CAMTA1: variants seen among roughly 807,000 people sequenced by gnomAD.
The protein encoded by CAMTA1 is calmodulin binding transcription activator 1.
In CAMTA1, 27 loss-of-function variants were observed where a neutral mutation model predicts 170.9. That is an observed-to-expected ratio of 0.16 (90% CI 0.12 to 0.22). CAMTA1 has a LOEUF of 0.22. CAMTA1 is among the 10% of genes least tolerant of loss of function. The pLI, the probability that CAMTA1 is intolerant of heterozygous loss-of-function variation, is 1.00. For missense variants in CAMTA1, 1,619 were observed against 2,217.2 expected, an observed-to-expected ratio of 0.73 and a Z score of 5.42; for synonymous variants, 833 against 891.5, an observed-to-expected ratio of 0.93 and a Z score of 1.17.
intron 4 of CAMTA1, among the ~76,000 whole-genome samples, chr1:7,115,681 A>G (rs534951654): frequency 2.2e-5 from 3 of 135,652 alleles, no homozygotes; most frequent in South Asian, 2.6e-4. Context: ...TCCAGTCTGA[A>G]TCTGAAAGCC....
At chr1:7,622,156 G>A (rs1208958931) in intron 6 of CAMTA1, among the ~76,000 whole-genome samples, 3 of 152,218 alleles carry the variant, frequency 2.0e-5, no homozygotes, top group Admixed American at 6.5e-5. Flanking sequence ...GTGACTGAGC[G>A]GCTACTCATG....
rs145266713 is a variant in CAMTA1 at position 6,833,771 on chromosome 1, A to G, written c.234+8561A>G. 2.9e-3 allele frequency among the ~76,000 whole-genome samples: 449 copies of G among 152,362 alleles called. 3 individuals are homozygous for G. Among genetic ancestry groups the G allele is most frequent in the African/African-American group, 9.3e-3 (386 of 41,590 alleles). Reference sequence around the variant, plus strand: ...TAACCACAAATCACAAACTTGAGCAATGAGTTTGTGTGTTAGAACATACTC... The same window carrying G: ...TAACCACAAATCACAAACTTGAGCAGTGAGTTTGTGTGTTAGAACATACTC... On this transcript the variant is annotated intron_variant, in intron 3 of 22. Coordinates refer to ENST00000303635, the MANE Select transcript of CAMTA1 (RefSeq NM_015215.4).
At chr1:7,514,677 G>A (rs1330117711) in intron 6 of CAMTA1, among the ~76,000 whole-genome samples, 1 of 152,210 alleles carries the variant, frequency 6.6e-6, no homozygotes, top group Non-Finnish European at 1.5e-5. Flanking sequence ...ACCTGTGGCA[G>A]GGTGCTTCTG....
intron 6 of CAMTA1, among the ~76,000 whole-genome samples, chr1:7,490,977 C>T (rs559416138): frequency 2.0e-5 from 3 of 152,342 alleles, no homozygotes; most frequent in Non-Finnish European, 2.9e-5. Flanking sequence ...CACTCCAGCT[C>T]CGATCCATTG....
chr1:6,827,906 G>C (rs1404876016), intron 3 of CAMTA1, among the ~76,000 whole-genome samples: 1 of 152,160 alleles, frequency 6.6e-6, no homozygotes, highest in Non-Finnish European at 1.5e-5. Flanking sequence ...TTTAGAAGCT[G>C]TGTTGTACAA....
intron 4 of CAMTA1, among the ~76,000 whole-genome samples, chr1:7,217,984 T>C (rs1660055582): frequency 6.6e-6 from 1 of 152,242 alleles, no homozygotes; most frequent in Non-Finnish European, 1.5e-5. Flanking sequence ...GTTAATTTTC[T>C]AGAAGATTCC....
Position 7,658,251 on chromosome 1 carries a change from C to T in CAMTA1, c.665-3475C>T, listed in dbSNP as rs943356384. On this transcript the variant is annotated intron_variant, in intron 7 of 22. Transcript: ENST00000303635. Reference sequence around the variant, plus strand: ...CCGAGTTCCCACAGGGAGAGGCTCCCGTGATGAGCTCTGCAGGGCTTTCTG... The same window carrying T: ...CCGAGTTCCCACAGGGAGAGGCTCCTGTGATGAGCTCTGCAGGGCTTTCTG... Among the ~76,000 whole-genome samples the T allele has an allele frequency of 1.3e-4, 20 of 152,320 alleles. No homozygotes were observed. In the South Asian group the frequency reaches 2.3e-3, roughly 17 times the overall value.
intron 12 of CAMTA1, among the ~76,000 whole-genome samples, chr1:7,734,509 C>T (rs987650054): frequency 3.3e-5 from 5 of 151,042 alleles, no homozygotes; most frequent in Non-Finnish European, 2.9e-5. Flanking sequence ...GTTTGCCATG[C>T]GGGATAGAGA....
intron 6 of CAMTA1, among the ~76,000 whole-genome samples, chr1:7,498,677 G>A (rs1278484397): frequency 6.8e-6 from 1 of 146,720 alleles, no homozygotes; most frequent in Non-Finnish European, 1.5e-5. Flanking sequence ...TACATTGAGT[G>A]CATGCATATG....
chr1:7,089,239 A>G (rs550875061), intron 3 of CAMTA1, among the ~76,000 whole-genome samples: 28 of 152,318 alleles, frequency 1.8e-4, no homozygotes, highest in Admixed American at 1.5e-3. Context: ...TTCATAGGAA[A>G]CTGGTCTAGA....
At chr1:7,613,004 G>A (rs931362068) in intron 6 of CAMTA1, among the ~76,000 whole-genome samples, 1 of 152,138 alleles carries the variant, frequency 6.6e-6, no homozygotes, top group African/African-American at 2.4e-5. Context: ...ACCTTTCCAT[G>A]TGCACCAGTC....
intron 6 of CAMTA1, among the ~76,000 whole-genome samples, chr1:7,510,910 C>T (rs2094193760): frequency 6.9e-6 from 1 of 144,730 alleles, no homozygotes; most frequent in Admixed American, 6.9e-5. Flanking sequence ...CCAGCGTGAC[C>T]CTGCCCCATC....
chr1:7,461,170 A>G (rs953797061), intron 5 of CAMTA1, among the ~76,000 whole-genome samples: 4 of 152,226 alleles, frequency 2.6e-5, no homozygotes, highest in African/African-American at 9.6e-5. Context: ...CATCACAGGC[A>G]CAGAAGGCTC....
At chr1:7,336,544 C>T (rs762759110) in intron 5 of CAMTA1, among the ~76,000 whole-genome samples, 1 of 152,160 alleles carries the variant, frequency 6.6e-6, no homozygotes, top group Non-Finnish European at 1.5e-5. Flanking sequence ...GGAGCATGTA[C>T]GTGTGATTGC....
chr1:7,355,220 A>G lies in CAMTA1; in HGVS notation c.438+105594A>G, dbSNP rs557286945. Among the ~76,000 whole-genome samples, 438 of 150,166 alleles carry G rather than the reference A, an allele frequency of 2.9e-3. 2 individuals are homozygous for G. Among genetic ancestry groups the G allele is most frequent in the African/African-American group, 8.8e-3 (362 of 40,920 alleles). ...AACTCCGTCTCAAAAAAAAAAAAAA[A>G]AAAGAAAGAAAAAATTAGCCAGGCA... is the stretch of plus-strand genomic sequence containing the variant. On this transcript the variant is annotated intron_variant, in intron 5 of 22. Transcript: ENST00000303635.
At chr1:7,677,922 G>T (rs963104917) in intron 11 of CAMTA1, among the ~76,000 whole-genome samples, 189 bp downstream of exon 11, 4 of 152,342 alleles carry the variant, frequency 2.6e-5, no homozygotes, top group Non-Finnish European at 5.9e-5. Context: ...ATTTGTGTCT[G>T]GACACTGGCT....
chr1:7,206,652 A>T (rs1657784867), intron 4 of CAMTA1, among the ~76,000 whole-genome samples: 1 of 152,094 alleles, frequency 6.6e-6, no homozygotes, highest in African/African-American at 2.4e-5. Context: ...TTGTATTTGG[A>T]TGGACATTTA....
intron 3 of CAMTA1, among the ~76,000 whole-genome samples, chr1:6,927,568 C>T (rs1683564086): frequency 6.6e-6 from 1 of 152,186 alleles, no homozygotes; most frequent in Non-Finnish European, 1.5e-5. Flanking sequence ...AGATTAGACA[C>T]CAGTGCCCTC....
intron 5 of CAMTA1, among the ~76,000 whole-genome samples, chr1:7,357,042 G>C (rs2085169694): frequency 6.6e-6 from 1 of 152,180 alleles, no homozygotes; most frequent in African/African-American, 2.4e-5. Context: ...GCTCCCCGGA[G>C]TCCATTCATT....
Sources: gnomAD v4.1 joint callset for allele counts (sites outside exome capture counted in the v4.1 genomes callset) on GRCh38, gnomAD v4.1.1 for gene constraint, MANE v1.5 for transcripts, NCBI Gene and HGNC (gene_info 2026-07-23, HGNC 2026-07-21) for gene names.